Variants in LDLRAD4 observed in about 807,000 individuals in gnomAD.
LDLRAD4 encodes low-density lipoprotein receptor class A domain-containing protein 4.
A neutral mutation model predicts 17.0 loss-of-function variants in LDLRAD4; 5 were observed. The ratio of observed to expected loss-of-function variants is 0.29; its 90% CI spans 0.15 to 0.62. The LOEUF (loss-of-function observed/expected upper bound fraction) is 0.62, where lower values mean the gene tolerates loss of function less well. Among genes scored for constraint, LDLRAD4 ranks in the 20% least tolerant of loss-of-function variants. LDLRAD4 has a pLI of 0.84. For synonymous variants in LDLRAD4, 168 were observed against 171.8 expected (o/e 0.98, Z 0.17); for missense variants, 340 against 424.7 (o/e 0.80, Z 1.75).
At chr18:13,222,598 G>A (rs34107757) in intron 1 of LDLRAD4, among the ~76,000 whole-genome samples, 23,787 of 152,196 alleles carry the variant, frequency 0.16, 2,188 homozygotes, top group Admixed American at 0.23. Flanking sequence ...TCATGGGCCT[G>A]GTGTGCATGC....
intron 1 of LDLRAD4, among the ~76,000 whole-genome samples, chr18:13,352,231 T>A (rs180731664): frequency 1.5e-4 from 23 of 152,270 alleles, no homozygotes; most frequent in African/African-American, 5.5e-4. Context: ...TCTCACCACT[T>A]CTATTCAACA....
intron 3 of LDLRAD4, among the ~76,000 whole-genome samples, chr18:13,584,837 A>G (rs2094913649): frequency 6.6e-6 from 1 of 152,214 alleles, no homozygotes; most frequent in South Asian, 2.1e-4. Flanking sequence ...CTTTCCTTCC[A>G]AATGAAGTGA....
At chr18:13,260,290 C>T (rs1415550240) in intron 1 of LDLRAD4, among the ~76,000 whole-genome samples, 1 of 152,234 alleles carries the variant, frequency 6.6e-6, no homozygotes, top group Admixed American at 6.5e-5. Flanking sequence ...TGCATAGAGC[C>T]TGTTCCCTTC....
intron 3 of LDLRAD4, among the ~76,000 whole-genome samples, chr18:13,537,556 A>G: frequency 6.6e-6 from 1 of 152,114 alleles, no homozygotes; most frequent in East Asian, 1.9e-4. Flanking sequence ...TCAGGAGATA[A>G]TGCTCCCTCA....
intron 3 of LDLRAD4, among the ~76,000 whole-genome samples, chr18:13,438,928 C>T (rs1208368522): frequency 6.6e-6 from 1 of 152,122 alleles, no homozygotes; most frequent in Non-Finnish European, 1.5e-5. Context: ...GTTTGAAGTT[C>T]GTTGGTTTTC....
At chr18:13,247,957 C>CT (rs1555627098) in intron 1 of LDLRAD4, among the ~76,000 whole-genome samples, 3 of 96,092 alleles carry the variant, frequency 3.1e-5, no homozygotes, top group East Asian at 4.3e-4. Flanking sequence ...CGCCGCCCCC[C>CT]GCCTTTTTTT....
chr18:13,560,911 G>A (rs893460559), intron 3 of LDLRAD4, among the ~76,000 whole-genome samples: 3 of 152,214 alleles, frequency 2.0e-5, no homozygotes, highest in African/African-American at 7.2e-5. Flanking sequence ...GCCTAACACT[G>A]TGGCTCTCTT....
chr18:13,418,598 A>G (rs939461075), intron 2 of LDLRAD4, among the ~76,000 whole-genome samples: 2 of 152,206 alleles, frequency 1.3e-5, no homozygotes, highest in South Asian at 2.1e-4. Context: ...CTTTCGACCA[A>G]CCTGCACTTT....
chr18:13,333,157 CTGATGACCTGTAATG>C (rs2081951171), intron 1 of LDLRAD4, among the ~76,000 whole-genome samples: 1 of 152,164 alleles, frequency 6.6e-6, no homozygotes, highest in Non-Finnish European at 1.5e-5. Flanking sequence ...TTTCATTTTC[CTGATGACCTGTAATG>C]TGAAGCATCT....
intron 1 of LDLRAD4, among the ~76,000 whole-genome samples, chr18:13,229,833 C>CG (rs2041985044): frequency 6.6e-6 from 1 of 152,182 alleles, no homozygotes; most frequent in Non-Finnish European, 1.5e-5. Flanking sequence ...GGTGTGCCCA[C>CG]GGTTGCCACA....
At chr18:13,435,254 T>A (rs2090576090) in intron 2 of LDLRAD4, among the ~76,000 whole-genome samples, 1 of 152,224 alleles carries the variant, frequency 6.6e-6, no homozygotes, top group African/African-American at 2.4e-5. Flanking sequence ...ATTCCAGCTT[T>A]AGCATTAATT....
chr18:13,439,669 G>T (rs28718549), intron 3 of LDLRAD4, among the ~76,000 whole-genome samples: 3,828 of 152,262 alleles, frequency 0.025, 168 homozygotes, highest in African/African-American at 0.088. Flanking sequence ...AGGATGGCCC[G>T]GAGGCACTTG....
intron 4 of LDLRAD4, among the ~76,000 whole-genome samples, chr18:13,627,476 G>A (rs1010882781): frequency 6.6e-6 from 1 of 152,168 alleles, no homozygotes; most frequent in African/African-American, 2.4e-5. Context: ...GGGTTTGCAC[G>A]TGGGGGTTGT....
chr18:13,620,707 C>T (rs1320184096), intron 3 of LDLRAD4, among the ~76,000 whole-genome samples: 1 of 152,216 alleles, frequency 6.6e-6, no homozygotes. Flanking sequence ...AACTCACCTG[C>T]AGAGCCACAG....
intron 3 of LDLRAD4, among the ~76,000 whole-genome samples, chr18:13,620,267 T>G (rs923814936): frequency 6.6e-6 from 1 of 152,232 alleles, no homozygotes; most frequent in African/African-American, 2.4e-5. Flanking sequence ...GGCAGCACAG[T>G]TGATGGCTTC....
chr18:13,326,319 C>T (rs537266520), intron 1 of LDLRAD4, among the ~76,000 whole-genome samples: 3 of 152,028 alleles, frequency 2.0e-5, no homozygotes, highest in Admixed American at 1.3e-4. Flanking sequence ...TCTTGTGAGA[C>T]TCTAGTTAGT....
intron 1 of LDLRAD4, among the ~76,000 whole-genome samples, chr18:13,292,831 G>A (rs765149969): frequency 2.6e-5 from 4 of 152,216 alleles, no homozygotes; most frequent in African/African-American, 9.7e-5. Flanking sequence ...TGGCGATCCC[G>A]TTACTGAATT....
rs1196992050 is a variant in LDLRAD4 at position 13,488,380 on chromosome 18, G to A, written c.181+49996G>A. 3.3e-5 allele frequency: 5 copies of A among 152,186 alleles called. No individual in the cohort carries two copies. The East Asian group carries it at 9.7e-4, about 30-fold the overall frequency. 9.4% of individuals were successfully genotyped at this position (152,186 alleles called of 1,614,324 possible). A position where few individuals can be genotyped will look rare whatever the true frequency, so the allele number is the denominator to read the frequency against. On this transcript the variant is annotated intron_variant, in intron 3 of 5. Transcript: ENST00000359446. ...ATAGAAACAGGTCCTGAGATGAGGT[G>A]GCGGCATACAAGCTATCTCACACTT...
At chr18:13,580,841 A>G (rs73954860) in intron 3 of LDLRAD4, among the ~76,000 whole-genome samples, 1 of 152,346 alleles carries the variant, frequency 6.6e-6, no homozygotes, top group African/African-American at 2.4e-5. Context: ...GCAAAGAGAA[A>G]AGCAGCATCG....
Sources: allele counts gnomAD v4.1 joint callset (sites outside exome capture counted in the v4.1 genomes callset), GRCh38; gene constraint gnomAD v4.1.1; transcripts MANE v1.5; gene names NCBI Gene and HGNC (gene_info 2026-07-23, HGNC 2026-07-21).